The following PPWD1 variants were observed in gnomAD, a reference collection of about 807,000 sequenced individuals.
PPWD1 encodes the protein peptidylprolyl isomerase domain and WD repeat-containing protein 1.
Under a neutral mutation model 68.8 loss-of-function variants are expected in PPWD1, and 43 were observed. The observed-to-expected ratio is 0.62, with a 90% CI of 0.49 to 0.81. PPWD1 has a LOEUF of 0.81. Ranked by LOEUF, PPWD1 falls within the 30% of genes least tolerant of loss-of-function variation. The pLI is 0.00. For synonymous variants in PPWD1, 232 were observed against 258.7 expected (o/e 0.90, Z 0.99); for missense variants, 672 against 804.8 (o/e 0.83, Z 2.00).
chr5:65,580,944 G>C (rs1753568152), intron 7 of PPWD1, among the ~76,000 whole-genome samples: 1 of 152,142 alleles, frequency 6.6e-6, no homozygotes, highest in Non-Finnish European at 1.5e-5. Context: ...CTCTGACGCT[G>C]TGCTCTTCTT....
At chr5:65,586,724 C>G (rs1293345170) in intron 10 of PPWD1, among the ~76,000 whole-genome samples, 1 of 152,128 alleles carries the variant, frequency 6.6e-6, no homozygotes, top group African/African-American at 2.4e-5. Flanking sequence ...ATCTGCCAGG[C>G]ACATAGTTTT....
chr5:65,581,935 C>A (rs530361001), intron 7 of PPWD1, among the ~76,000 whole-genome samples: 1 of 152,216 alleles, frequency 6.6e-6, no homozygotes, highest in South Asian at 2.1e-4. Context: ...TGAGCTAAAT[C>A]ATAATTTTTC....
At chr5:65,581,971 A>G (rs1581164143) in intron 7 of PPWD1, among the ~76,000 whole-genome samples, 1 of 152,236 alleles carries the variant, frequency 6.6e-6, no homozygotes, top group Admixed American at 6.5e-5. Flanking sequence ...AAATAAAAGT[A>G]TGATTTTACA....
chr5:65,584,878 G>A (rs201113007), intron 8 of PPWD1, 136 bp from the exon 9 acceptor site: 9 of 1,163,252 alleles, frequency 7.7e-6, no homozygotes, highest in African/African-American at 1.6e-5. Context: ...TAGAGATTAT[G>A]AAAAAAAAAA....
rs1219084638 is a variant in PPWD1 at position 65,583,168 on chromosome 5, C to T, written c.1481C>T (p.Ala494Val). ...AEGPKRVSDSAIIHTSMGDIH... is the reference protein window; with the variant it reads ...AEGPKRVSDSVIIHTSMGDIH... ...GGACCTAAACGAGTTTCGGACAGTGCCATTATCCACACCAGCATGGGAGAC... is the reference window on the plus strand; with the variant it reads ...GGACCTAAACGAGTTTCGGACAGTGTCATTATCCACACCAGCATGGGAGAC... Residue 494 changes from alanine (A) to valine (V), a missense_variant, in exon 8 of 11, where the codon GCC (alanine) becomes GTC (valine). This residue lies in a region of PPWD1 where 484 missense variants were observed against 646.2 expected (regional missense o/e 0.75). Transcript: ENST00000261308. The T allele has an allele frequency of 6.2e-7, 1 of 1,611,972 alleles. No individual in the cohort carries two copies. Among genetic ancestry groups the T allele is most frequent in the Admixed American group, 1.7e-5 (1 of 59,504 alleles).
chr5:65,585,378 A>ACCT (rs1361928255), intron 9 of PPWD1, among the ~76,000 whole-genome samples: 1 of 152,170 alleles, frequency 6.6e-6, no homozygotes, highest in Admixed American at 6.6e-5. Context: ...TACATCAGTA[A>ACCT]CCTAGGTAAC....
At chr5:65,579,650 C>T (rs770709292) in intron 7 of PPWD1, 37 bp downstream of exon 7, 9 of 1,365,544 alleles carry the variant, frequency 6.6e-6, no homozygotes, top group African/African-American at 4.5e-5. Flanking sequence ...CGGTAATGTT[C>T]CTTCCAGTTT....
At chr5:65,587,156 G>C in intron 10 of PPWD1, 97 bp from the exon 11 acceptor site, 1 of 1,271,760 alleles carries the variant, frequency 7.9e-7, no homozygotes, top group Non-Finnish European at 1.1e-6. Flanking sequence ...TGCTAAAGGG[G>C]AGCGTAAACT....
intron 1 of PPWD1, among the ~76,000 whole-genome samples, chr5:65,564,956 C>T (rs754565405): frequency 3.2e-4 from 49 of 152,144 alleles, no homozygotes; most frequent in Non-Finnish European, 3.5e-4. Flanking sequence ...GATCATAACT[C>T]TGAGGTAGTT....
At position 65,587,508 on chromosome 5, in the gene PPWD1, G is replaced by T; in HGVS notation, c.*112G>T. 1 of 826,296 alleles carries T rather than the reference G, an allele frequency of 1.2e-6. No individual in the cohort carries two copies. Among genetic ancestry groups the T allele is most frequent in the Non-Finnish European group, 1.7e-6 (1 of 593,142 alleles). The allele number at this position is 826,296 out of a possible 1,614,324, so 51.2% of individuals were successfully genotyped here. ...ATACAGATCATGTTTCAAAGATACAGTATTTTTGTATTTTTTATTAAAGGC... is the reference window on the plus strand; with the variant it reads ...ATACAGATCATGTTTCAAAGATACATTATTTTTGTATTTTTTATTAAAGGC... On this transcript the variant is annotated 3_prime_UTR_variant, in exon 11 of 11. Transcript: ENST00000261308.
chr5:65,583,706 C>T (rs1308473144), intron 8 of PPWD1, among the ~76,000 whole-genome samples: 1 of 152,152 alleles, frequency 6.6e-6, no homozygotes, highest in East Asian at 1.9e-4. Context: ...CCCAGCTATT[C>T]AGGAGGTTAA....
chr5:65,563,611 C>G, intron 1 of PPWD1, 105 bp downstream of exon 1: 1 of 1,431,998 alleles, frequency 7.0e-7, no homozygotes, highest in Non-Finnish European at 9.4e-7. Context: ...TTTGTGCCCT[C>G]AGAACAGAGG....
At chr5:65,567,105 A>G (rs1356158982) in intron 1 of PPWD1, among the ~76,000 whole-genome samples, 7 of 152,156 alleles carry the variant, frequency 4.6e-5, no homozygotes, top group Admixed American at 4.6e-4. Context: ...GGACTCTTTT[A>G]AGTTAGCACT....
chr5:65,578,325 A>G (rs1407077777), intron 6 of PPWD1, among the ~76,000 whole-genome samples: 1 of 152,220 alleles, frequency 6.6e-6, no homozygotes, highest in Non-Finnish European at 1.5e-5. Context: ...GTGTTTGTGT[A>G]GTCATTTCAG....
chr5:65,584,878 G>GGA (rs1753755972), intron 8 of PPWD1, 136 bp from the exon 9 acceptor site: 8 of 1,163,264 alleles, frequency 6.9e-6, no homozygotes, highest in African/African-American at 1.6e-5. Flanking sequence ...TAGAGATTAT[G>GGA]AAAAAAAAAA....
intron 1 of PPWD1, 61 bp from the exon 2 acceptor site, chr5:65,567,452 C>T (rs1308197328): frequency 8.9e-6 from 13 of 1,465,638 alleles, no homozygotes; most frequent in Non-Finnish European, 1.2e-5. Context: ...AAAGAAAATA[C>T]AAAATAGTAT....
chr5:65,565,383 AGAAATATC>A (rs1752700643), intron 1 of PPWD1, among the ~76,000 whole-genome samples: 1 of 152,260 alleles, frequency 6.6e-6, no homozygotes, highest in Admixed American at 6.5e-5. Context: ...GTAAAAATCC[AGAAATATC>A]GAAATGCTGA....
chr5:65,585,965 G>A, intron 9 of PPWD1, 34 bp from the exon 10 acceptor site: 1 of 1,604,982 alleles, frequency 6.2e-7, no homozygotes, highest in Non-Finnish European at 8.5e-7. Flanking sequence ...TATCGAAAAG[G>A]ACAATGTAAT....
Position 65,572,293 on chromosome 5 carries a change from G to A in PPWD1, c.969+7G>A. On this transcript the variant is annotated splice_region_variant and intron_variant, in intron 5 of 10. Coordinates refer to ENST00000261308, the MANE Select transcript of PPWD1 (RefSeq NM_015342.4). ...CTTTGATGAATCACTAAGCGTAAGT[G>A]TAATTTAAATTTAACCGTACTTTAC... The A allele has an allele frequency of 1.3e-6, 2 of 1,584,336 alleles. No individual in the cohort carries two copies. The highest frequency in any genetic ancestry group is 2.2e-5 in the East Asian group (1 of 44,600).
Sources: gnomAD v4.1 joint callset for allele counts (sites outside exome capture counted in the v4.1 genomes callset) on GRCh38, gnomAD v4.1.1 for gene constraint, gnomAD v4.1.1 regional missense constraint, MANE v1.5 for transcripts, NCBI Gene and HGNC (gene_info 2026-07-23, HGNC 2026-07-21) for gene names.